The following GRIN2A variants were observed in gnomAD, a reference collection of about 807,000 sequenced individuals.
GRIN2A encodes glutamate receptor ionotropic, NMDA 2A.
Under a neutral mutation model 113.4 loss-of-function variants are expected in GRIN2A, and 22 were observed. The ratio of observed to expected loss-of-function variants is 0.19; its 90% CI spans 0.14 to 0.28. GRIN2A has a LOEUF of 0.28. Among genes scored for constraint, GRIN2A ranks in the 10% least tolerant of loss-of-function variants. GRIN2A has a pLI of 1.00. For synonymous variants in GRIN2A, 827 were observed against 738.4 expected (o/e 1.12, Z -1.94); for missense variants, 1,502 against 1,887.0 (o/e 0.80, Z 3.78).
At chr16:9,932,549 TA>T (rs1336511040) in intron 3 of GRIN2A, among the ~76,000 whole-genome samples, 1 of 151,190 alleles carries the variant, frequency 6.6e-6, no homozygotes. Context: ...CTAAAGTTTG[TA>T]TTTTTTTTTT....
At chr16:9,917,818 A>T (rs2044280916) in intron 3 of GRIN2A, among the ~76,000 whole-genome samples, 1 of 151,528 alleles carries the variant, frequency 6.6e-6, no homozygotes, top group Non-Finnish European at 1.5e-5. Flanking sequence ...CCTCCCTCTC[A>T]CTCCCCGCCT....
At chr16:9,789,145 TG>T (rs1163052465) in intron 11 of GRIN2A, among the ~76,000 whole-genome samples, 2 of 152,122 alleles carry the variant, frequency 1.3e-5, no homozygotes, top group Non-Finnish European at 2.9e-5. Flanking sequence ...GCAGGCCTTA[TG>T]GTTTCTGTTG....
At chr16:9,981,768 T>A (rs1420147210) in intron 2 of GRIN2A, among the ~76,000 whole-genome samples, 1 of 152,180 alleles carries the variant, frequency 6.6e-6, no homozygotes, top group Non-Finnish European at 1.5e-5. Context: ...ACACAAGGTC[T>A]ATATGATTAA....
At chr16:9,904,419 T>A (rs753846539) in intron 3 of GRIN2A, among the ~76,000 whole-genome samples, 10 of 152,162 alleles carry the variant, frequency 6.6e-5, no homozygotes, top group Non-Finnish European at 1.2e-4. Context: ...TCACCCAGCC[T>A]GGAGTGCAGC....
chr16:9,801,718 A>G (rs1903373474), intron 10 of GRIN2A, among the ~76,000 whole-genome samples: 1 of 152,160 alleles, frequency 6.6e-6, no homozygotes, highest in African/African-American at 2.4e-5. Context: ...GATGTGGTTG[A>G]CTCTGACCAA....
At chr16:9,858,745 T>C (rs1483408378) in intron 4 of GRIN2A, among the ~76,000 whole-genome samples, 1 of 152,206 alleles carries the variant, frequency 6.6e-6, no homozygotes, top group Non-Finnish European at 1.5e-5. Context: ...TCAGCCAATA[T>C]GTTCTTAGAG....
chr16:10,163,734 T>TA (rs1254338519), intron 2 of GRIN2A, among the ~76,000 whole-genome samples: 1 of 152,180 alleles, frequency 6.6e-6, no homozygotes, highest in Non-Finnish European at 1.5e-5. Flanking sequence ...TCAGCTGTGA[T>TA]AATGCTGTAG....
intron 2 of GRIN2A, among the ~76,000 whole-genome samples, chr16:10,137,618 A>G (rs12922340): frequency 0.088 from 13,349 of 152,230 alleles, 598 homozygotes; most frequent in South Asian, 0.11. Flanking sequence ...TTCCTGCCCC[A>G]GCCCTGGCCT....
chr16:9,786,915 A>G (rs1184031361), intron 11 of GRIN2A, among the ~76,000 whole-genome samples: 2 of 152,192 alleles, frequency 1.3e-5, no homozygotes, highest in South Asian at 4.1e-4. Flanking sequence ...CCAAAGCCCT[A>G]TCTAAGGGAC....
intron 3 of GRIN2A, among the ~76,000 whole-genome samples, chr16:9,935,112 T>G (rs953049925): frequency 5.9e-5 from 9 of 152,242 alleles, no homozygotes; most frequent in African/African-American, 1.4e-4. Context: ...TCTAAATGTC[T>G]TGCCAATTAT....
intron 2 of GRIN2A, among the ~76,000 whole-genome samples, chr16:10,047,453 T>C (rs1267366327): frequency 1.3e-5 from 2 of 152,238 alleles, no homozygotes; most frequent in African/African-American, 4.8e-5. Flanking sequence ...CTTTGCATAC[T>C]ATTGTGTTCT....
In GRIN2A at chr16:9,757,462, G is replaced by A; in HGVS notation, c.*5687C>T. 2 of 225,062 alleles carry A rather than the reference G, an allele frequency of 8.9e-6. No individual in the cohort carries two copies. The highest frequency in any genetic ancestry group is 1.3e-3 in the Middle Eastern group (1 of 752). The allele number at this position is 225,062 out of a possible 1,614,324, so 13.9% of individuals were successfully genotyped here. On this transcript the variant is annotated 3_prime_UTR_variant, in exon 13 of 13. Coordinates refer to ENST00000330684, the MANE Select transcript of GRIN2A (RefSeq NM_001134407.3). ...TTCTAATTTTTGCTGTTTAGTCTCT[G>A]TTTGCATTGCATGGGTCCTTGGTTA...
intron 3 of GRIN2A, among the ~76,000 whole-genome samples, chr16:9,915,864 T>C (rs1033968346): frequency 2.0e-5 from 3 of 152,226 alleles, no homozygotes; most frequent in Non-Finnish European, 4.4e-5. Context: ...GAGAATTAGA[T>C]TGATTAATAA....
In GRIN2A at chr16:10,049,847, G is replaced by C. The variant is rs562780980; in HGVS notation, c.415-111296C>G. Among the ~76,000 whole-genome samples the C allele has an allele frequency of 1.4e-4, 21 of 152,286 alleles. 1 individual carries two copies. The South Asian group carries it at 3.9e-3, about 29-fold the overall frequency. On this transcript the variant is annotated intron_variant, in intron 2 of 12. Transcript: ENST00000330684. ...GCAATTTTTTTGTGAGCAGTGCCCA[G>C]CTCATAGGAAGCTTTCAATTAATAT...
At chr16:10,170,176 C>T (rs2050012508) in intron 2 of GRIN2A, among the ~76,000 whole-genome samples, 1 of 152,132 alleles carries the variant, frequency 6.6e-6, no homozygotes, top group Non-Finnish European at 1.5e-5. Flanking sequence ...CATCTATGAG[C>T]CAGATTCAGC....
intron 5 of GRIN2A, among the ~76,000 whole-genome samples, chr16:9,847,721 AT>A (rs926797809): frequency 1.3e-5 from 2 of 148,614 alleles, no homozygotes; most frequent in Admixed American, 1.3e-4. Context: ...TGTTTTATAT[AT>A]TTTTAACACA....
intron 2 of GRIN2A, among the ~76,000 whole-genome samples, chr16:10,072,591 T>C (rs555535324): frequency 6.6e-6 from 1 of 152,150 alleles, no homozygotes; most frequent in Non-Finnish European, 1.5e-5. Flanking sequence ...CCACTGGACT[T>C]AGCCTCTCTT....
chr16:10,096,539 AACACACACAC>A (rs59351819), intron 2 of GRIN2A, among the ~76,000 whole-genome samples: 22 of 137,752 alleles, frequency 1.6e-4, no homozygotes, highest in East Asian at 1.6e-3. Context: ...ATTGTGGTAA[AACACACACAC>A]ACACACACAC....
At chr16:10,003,694 G>C (rs2141848614) in intron 2 of GRIN2A, among the ~76,000 whole-genome samples, 1 of 152,310 alleles carries the variant, frequency 6.6e-6, no homozygotes, top group South Asian at 2.1e-4. Context: ...AGTAATTAGA[G>C]GCAGAGCCAC....
Sources: gnomAD v4.1 joint callset for allele counts (sites outside exome capture counted in the v4.1 genomes callset) on GRCh38, gnomAD v4.1.1 for gene constraint, MANE v1.5 for transcripts, NCBI Gene and HGNC (gene_info 2026-07-23, HGNC 2026-07-21) for gene names.